SLC43A2: variants seen among roughly 807,000 people sequenced by gnomAD.
SLC43A2 encodes solute carrier family 43 member 2, also known as large neutral amino acids transporter small subunit 4.
Under a neutral mutation model 63.2 loss-of-function variants are expected in SLC43A2, and 38 were observed. The ratio of observed to expected loss-of-function variants is 0.60; its 90% CI spans 0.46 to 0.79. SLC43A2 has a LOEUF of 0.79. SLC43A2 is among the 30% of genes least tolerant of loss of function. The pLI is 0.00. For missense variants in SLC43A2, 644 were observed against 756.2 expected (o/e 0.85, Z 1.74); for synonymous variants, 322 against 331.0 (o/e 0.97, Z 0.30).
intron 5 of SLC43A2, among the ~76,000 whole-genome samples, chr17:1,612,413 G>A (rs1907205323): frequency 6.6e-6 from 1 of 152,180 alleles, no homozygotes; most frequent in South Asian, 2.1e-4. Context: ...TCTGTGCCCG[G>A]GCACGGAGGA....
intron 5 of SLC43A2, among the ~76,000 whole-genome samples, chr17:1,595,286 A>C (rs1905198324): frequency 6.7e-6 from 1 of 149,878 alleles, no homozygotes; most frequent in South Asian, 2.1e-4. Flanking sequence ...GTGTCAAAAA[A>C]AAAAAAAGAG....
intron 5 of SLC43A2, among the ~76,000 whole-genome samples, chr17:1,594,077 G>A (rs576079201): frequency 7.9e-5 from 12 of 151,986 alleles, no homozygotes; most frequent in East Asian, 1.9e-4. Flanking sequence ...CGCCCGCCTC[G>A]GCCTCCCAAA....
intron 5 of SLC43A2, among the ~76,000 whole-genome samples, chr17:1,595,737 G>A (rs532208527): frequency 2.0e-5 from 3 of 151,854 alleles, no homozygotes; most frequent in East Asian, 1.9e-4. Flanking sequence ...CAGCCATCAC[G>A]CCCGGCCTTT....
intron 12 of SLC43A2, 72 bp from the exon 13 acceptor site, chr17:1,576,792 C>T: frequency 1.9e-6 from 3 of 1,559,246 alleles, no homozygotes; most frequent in Non-Finnish European, 2.6e-6. Context: ...TCTGGTGACC[C>T]CGGGCTGCAC....
chr17:1,584,461 T>C (rs1253156339), intron 10 of SLC43A2, among the ~76,000 whole-genome samples: 1 of 152,106 alleles, frequency 6.6e-6, no homozygotes, highest in East Asian at 1.9e-4. Context: ...CATGGAGTCC[T>C]CGGTGGAGGG....
rs73976240 is a variant in SLC43A2, at chr17:1,591,366, G to A, written c.834C>T (p.Ser278=). The A allele has an allele frequency of 3.9e-3, 6,225 of 1,611,944 alleles. 251 individuals carry two copies. In the African/African-American group the frequency reaches 0.073, roughly 19 times the overall value. ...CCACCTGCTCCTTGGCACTCCTCAT[G>A]GAGCTGCCCACACTCAGGCGCCGGC... ...TVGRRLSVGS[S]MRSAKEQVAL... is the part of the protein sequence containing the mutation. The change falls in exon 8 of 14, where the codon TCC becomes TCT. Residue 278 remains serine (S), a synonymous_variant. Coordinates refer to ENST00000301335, the MANE Select transcript of SLC43A2 (RefSeq NM_152346.3).
Position 1,575,521 on chromosome 17 carries a change from G to A in SLC43A2, c.*83C>T, listed in dbSNP as rs2075910661. 6.4e-7 allele frequency: 1 copy of A among 1,561,316 alleles called. No homozygotes were observed. The highest frequency in any genetic ancestry group is 8.8e-7 in the Non-Finnish European group (1 of 1,133,354). ...CACGGAGACGGCGAAGGTCCTGGGG[G>A]TGCGTGGGGTACTCTGGAGGGGCAG... On this transcript the variant is annotated 3_prime_UTR_variant, in exon 14 of 14. Coordinates refer to ENST00000301335, the MANE Select transcript of SLC43A2 (RefSeq NM_152346.3).
intron 5 of SLC43A2, chr17:1,604,984 C>T (rs376024904): frequency 2.6e-5 from 37 of 1,444,422 alleles, no homozygotes; most frequent in Admixed American, 1.2e-4. Flanking sequence ...GCGCGGGCCT[C>T]GAGGGCTGGC....
In SLC43A2 at chr17:1,577,966, T is replaced by C. The variant is rs1011431881; in HGVS notation, c.1424+284A>G. ...TCGGCTGTAGTGGCCCCTGAGGCCA[T>C]AATGAGCTGCACAGGTGCCTGACCC... is the stretch of plus-strand genomic sequence containing the variant. On this transcript the variant is annotated intron_variant, in intron 12 of 13. Coordinates refer to ENST00000301335, the MANE Select transcript of SLC43A2 (RefSeq NM_152346.3). The surrounding 1 kb of genome is among the most constrained non-coding windows in gnomAD (Gnocchi z 4.9). Among the ~76,000 whole-genome samples, 4 of 152,150 alleles carry C rather than the reference T, an allele frequency of 2.6e-5. No homozygotes were observed. The highest frequency in any genetic ancestry group is 9.7e-5 in the African/African-American group (4 of 41,438).
intron 3 of SLC43A2, 58 bp from the exon 4 acceptor site, chr17:1,615,092 GTT>G (rs1907472630): frequency 6.3e-7 from 1 of 1,597,894 alleles, no homozygotes; most frequent in Admixed American, 1.7e-5. Context: ...CAGTGTTATT[GTT>G]TTGTTTTTGT....
Position 1,575,426 on chromosome 17 carries a change from C to G in SLC43A2, c.*178G>C. 1.3e-6 allele frequency: 1 copy of G among 794,192 alleles called. No individual in the cohort carries two copies. Among genetic ancestry groups the G allele is most frequent in the Non-Finnish European group, 2.0e-6 (1 of 504,718 alleles). The allele number at this position is 794,192 out of a possible 1,614,324, so 49.2% of individuals were successfully genotyped here. A position where few individuals can be genotyped will look rare whatever the true frequency, so the allele number is the denominator to read the frequency against. ...GTTCGGCAGGAGAAAACGCGCGTGT[C>G]CGGGGCCCTCTCCCGTCCTTCCACC... On this transcript the variant is annotated 3_prime_UTR_variant, in exon 14 of 14. Coordinates refer to ENST00000301335, the MANE Select transcript of SLC43A2 (RefSeq NM_152346.3).
At position 1,573,176 on chromosome 17, in the gene SLC43A2, CAAAAAAAAAAAA is replaced by C. The variant is rs35157880; in HGVS notation, c.*2416_*2427del. ...TGGATGGCAGAGCAAGACCCCAACTCAAAAAAAAAAAAAAAAAAAAAAAGGCGGCCTTTTCCC... is the reference window on the plus strand; with the variant it reads ...TGGATGGCAGAGCAAGACCCCAACTCAAAAAAAAAAAGGCGGCCTTTTCCC... On this transcript the variant is annotated 3_prime_UTR_variant, in exon 14 of 14. Transcript: ENST00000301335. The C allele has an allele frequency of 1.4e-5, 1 of 69,302 alleles. No individual in the cohort carries two copies. The highest frequency in any genetic ancestry group is 1.9e-4 in the Admixed American group (1 of 5,314). 4.3% of individuals were successfully genotyped at this position (69,302 alleles called of 1,614,324 possible).
chr17:1,605,192 C>T lies in SLC43A2; in HGVS notation c.501+8003G>A. 1 of 1,151,538 alleles carries T rather than the reference C, an allele frequency of 8.7e-7. No individual in the cohort carries two copies. The highest frequency in any genetic ancestry group is 1.6e-5 in the African/African-American group (1 of 62,034). 71.3% of individuals were successfully genotyped at this position (1,151,538 alleles called of 1,614,324 possible). A position where few individuals can be genotyped will look rare whatever the true frequency, so the allele number is the denominator to read the frequency against. On this transcript the variant is annotated intron_variant, in intron 5 of 13. Transcript: ENST00000301335. The surrounding 1 kb of genome is among the most constrained non-coding windows in gnomAD (Gnocchi z 4.9). ...CCTGCCAGCCCGGGCTGTTCACTCA[C>T]TGCCTCCACGCAGCCTCAGTCACAC... is the stretch of plus-strand genomic sequence containing the variant.
chr17:1,616,699 G>C lies in SLC43A2; in HGVS notation c.231C>G (p.Gly77=), dbSNP rs779552041. Residue 77 remains glycine (G), a synonymous_variant, in exon 3 of 14, where the codon GGC becomes GGG. Transcript: ENST00000301335. ...CGTCCTGGGCCTGGCAGCTGAGCCA[G>C]CCGTTCATCCAGCTCACCTCCTCGT... The part of the protein sequence containing the change: ...PGHEEVSWMN[G]WLSCQAQDEM... The C allele has an allele frequency of 6.2e-7, 1 of 1,614,152 alleles. No individual in the cohort carries two copies. Among genetic ancestry groups the C allele is most frequent in the South Asian group, 1.1e-5 (1 of 91,090 alleles).
At position 1,570,555 on chromosome 17, in the gene SLC43A2, C is replaced by G. The variant is rs1367171905; in HGVS notation, c.*5049G>C. ...AGGCTGGAGTGCAGTGGCGGGATCTCGGCTCACTGCAAGCTCCGCCTCCCG... is the reference window on the plus strand; with the variant it reads ...AGGCTGGAGTGCAGTGGCGGGATCTGGGCTCACTGCAAGCTCCGCCTCCCG... On this transcript the variant is annotated 3_prime_UTR_variant, in exon 14 of 14. Transcript: ENST00000301335. 6.8e-6 allele frequency: 1 copy of G among 147,492 alleles called. No homozygotes were observed. The allele number at this position is 147,492 out of a possible 1,614,324, so 9.1% of individuals were successfully genotyped here.
intron 5 of SLC43A2, among the ~76,000 whole-genome samples, chr17:1,597,778 G>A (rs1354508079): frequency 6.6e-6 from 1 of 151,688 alleles, no homozygotes; most frequent in Non-Finnish European, 1.5e-5. Context: ...CACCCTGGGC[G>A]ACAGAGTGAG....
intron 10 of SLC43A2, among the ~76,000 whole-genome samples, chr17:1,585,071 G>C (rs2076081342): frequency 6.6e-6 from 1 of 152,174 alleles, no homozygotes; most frequent in Non-Finnish European, 1.5e-5. Context: ...ATCTGAGCCG[G>C]GCGCGGTGCC....
chr17:1,592,694 T>C (rs1390660031), intron 6 of SLC43A2, among the ~76,000 whole-genome samples: 2 of 152,196 alleles, frequency 1.3e-5, no homozygotes, highest in Non-Finnish European at 2.9e-5. Context: ...TCTGGGGAAC[T>C]TGGGCTGATG....
chr17:1,582,140 C>T (rs375909554), intron 11 of SLC43A2, among the ~76,000 whole-genome samples: 14 of 151,664 alleles, frequency 9.2e-5, no homozygotes, highest in South Asian at 4.2e-4. Context: ...AGTGCAGTGG[C>T]GCGATCTCAG....
Sources: gnomAD v4.1 joint callset for allele counts (sites outside exome capture counted in the v4.1 genomes callset) on GRCh38, gnomAD v4.1.1 for gene constraint, Gnocchi (gnomAD v3.1) non-coding constraint, MANE v1.5 for transcripts, NCBI Gene and HGNC (gene_info 2026-07-23, HGNC 2026-07-21) for gene names.